The following LTA4H variants were observed in gnomAD, a reference collection of about 807,000 sequenced individuals.
The protein encoded by LTA4H is leukotriene A4 hydrolase, also known as leukotriene A-4 hydrolase.
LTA4H carries 59 observed loss-of-function variants against 89.8 expected under a neutral mutation model. The ratio of observed to expected loss-of-function variants is 0.66; its 90% CI spans 0.53 to 0.82. The LOEUF is 0.82. Among genes scored for constraint, LTA4H ranks in the 40% least tolerant of loss-of-function variants. The pLI, the probability that LTA4H is intolerant of heterozygous loss-of-function variation, is 0.00. For synonymous variants in LTA4H, 227 were observed against 253.1 expected (o/e 0.90, Z 0.98); for missense variants, 617 against 727.0 (o/e 0.85, Z 1.74).
At chr12:96,037,755 G>A (rs558556709), upstream of LTA4H, among the ~76,000 whole-genome samples, 7 of 144,718 alleles carry the variant, frequency 4.8e-5, no homozygotes, top group Non-Finnish European at 7.5e-5. Flanking sequence ...GTGCAGTGGC[G>A]CAATCTCGGC....
At position 96,021,074 on chromosome 12, in the gene LTA4H, C is replaced by T. The variant is rs779738807; in HGVS notation, c.638+11G>A. On this transcript the variant is annotated intron_variant, in intron 6 of 18. Transcript: ENST00000228740. ...CTTTCCACAAACCTGAAAATTTTTC[C>T]AAAAGCTCACCTGCTTTCTAAAGCT... 6.3e-7 allele frequency: 1 copy of T among 1,598,312 alleles called. No individual in the cohort carries two copies. The highest frequency in any genetic ancestry group is 1.8e-5 in the Admixed American group (1 of 55,402).
At chr12:96,019,066 C>A in intron 7 of LTA4H, 102 bp downstream of exon 7, 1 of 1,215,024 alleles carries the variant, frequency 8.2e-7, no homozygotes, top group South Asian at 1.4e-5. Flanking sequence ...AAAAGACAAT[C>A]TGGTTCTTTC....
intron 1 of LTA4H, among the ~76,000 whole-genome samples, chr12:96,031,732 G>A (rs1253224619): frequency 1.3e-5 from 2 of 151,962 alleles, no homozygotes; most frequent in Non-Finnish European, 2.9e-5. Flanking sequence ...AAGTATAGAG[G>A]GCTTTATGCC....
chr12:96,022,179 G>T lies in LTA4H; in HGVS notation c.553C>A (p.Pro185Thr). The T allele has an allele frequency of 6.2e-7, 1 of 1,613,718 alleles. No individual in the cohort carries two copies. Among genetic ancestry groups the T allele is most frequent in the Admixed American group, 1.7e-5 (1 of 60,004 alleles). Residue 185 changes from proline to threonine, a missense_variant, in exon 5 of 19, where the codon CCA (proline) becomes ACA (threonine). Physicochemically the swap from Pro to Thr is conservative, Grantham distance 38. Transcript: ENST00000228740. This position sits in a 1 kb window ranked among gnomAD's most constrained non-coding sequence, Gnocchi z 4.0. ...ATGAATTTGTATATTTTCCTGCTTGGGTCTTCTGGGTCAGGTGTTTCTCCA... is the reference window on the plus strand; with the variant it reads ...ATGAATTTGTATATTTTCCTGCTTGTGTCTTCTGGGTCAGGTGTTTCTCCA... ...RDGETPDPED[P>T]SRKIYKFIQK... is the part of the protein sequence containing the mutation.
chr12:96,016,856 C>T (rs1950384701), intron 10 of LTA4H, among the ~76,000 whole-genome samples, 188 bp downstream of exon 10: 1 of 151,094 alleles, frequency 6.6e-6, no homozygotes, highest in African/African-American at 2.4e-5. Flanking sequence ...AGCTAGATCG[C>T]ACCACTGCAC....
chr12:96,043,248 G>A (rs1950701856), intron 1 of LTA4H: 1 of 1,428,008 alleles, frequency 7.0e-7, no homozygotes, highest in Non-Finnish European at 9.5e-7. Flanking sequence ...GACTCGACTT[G>A]AAAGAACCTC....
chr12:96,039,835 C>T (rs1307947560), upstream of LTA4H, among the ~76,000 whole-genome samples: 1 of 152,126 alleles, frequency 6.6e-6, no homozygotes, highest in Non-Finnish European at 1.5e-5. Context: ...TTGAAATAGT[C>T]GATGTAATTT....
Position 96,001,088 on chromosome 12 carries a change from G to A in LTA4H, c.1737C>T (p.Asp579=), listed in dbSNP as rs1950092916. The part of the protein sequence containing the change: ...RPLFKDLAAF[D]KSHDQAVRTY... ...TTCGGACAGCTTGATCATGGGATTT[G>A]TCAAAGGCAGCAAGATCCCTGCCAA... is the stretch of plus-strand genomic sequence containing the variant. Residue 579 remains aspartate (D), a synonymous_variant, in exon 19 of 19, where the codon GAC becomes GAT. Coordinates refer to ENST00000228740, the MANE Select transcript of LTA4H (RefSeq NM_000895.3). 6.2e-7 allele frequency: 1 copy of A among 1,613,544 alleles called. No homozygotes were observed. The highest frequency in any genetic ancestry group is 8.5e-7 in the Non-Finnish European group (1 of 1,179,666).
intron 16 of LTA4H, 145 bp downstream of exon 16, chr12:96,006,169 G>C (rs1040344405): frequency 2.2e-5 from 12 of 538,486 alleles, no homozygotes; most frequent in Non-Finnish European, 3.9e-5. Flanking sequence ...AGCATTCAAT[G>C]CTTTTTTAAA....
chr12:96,003,791 G>T, intron 17 of LTA4H, 47 bp downstream of exon 17: 1 of 1,324,672 alleles, frequency 7.5e-7, no homozygotes, highest in Non-Finnish European at 1.1e-6. Context: ...TTTCAAAGGA[G>T]TTTAGTTTTC....
intron 1 of LTA4H, among the ~76,000 whole-genome samples, chr12:96,041,728 G>A (rs552625806): frequency 1.1e-4 from 16 of 152,092 alleles, no homozygotes; most frequent in African/African-American, 3.6e-4. Flanking sequence ...TGCAAGCTCC[G>A]CCTCCCGGGT....
At chr12:96,021,036 C>T in intron 6 of LTA4H, 49 bp downstream of exon 6, 2 of 1,487,096 alleles carry the variant, frequency 1.3e-6, no homozygotes, top group East Asian at 2.4e-5. Context: ...GTTCAAGATG[C>T]CTAAGTTTTG....
chr12:96,005,690 C>CA (rs752051992), intron 16 of LTA4H, among the ~76,000 whole-genome samples: 6 of 152,132 alleles, frequency 3.9e-5, no homozygotes, highest in Admixed American at 6.6e-5. Context: ...AAGAGTCTTT[C>CA]ACTAATTAAG....
At chr12:96,018,677 A>G (rs1255611126) in intron 8 of LTA4H, 86 bp downstream of exon 8, 1 of 903,922 alleles carries the variant, frequency 1.1e-6, no homozygotes, top group African/African-American at 1.7e-5. Context: ...GGTTCTTTAC[A>G]TATATATACA....
At chr12:96,023,246 T>TA (rs1448932190) in intron 4 of LTA4H, among the ~76,000 whole-genome samples, 3 of 152,174 alleles carry the variant, frequency 2.0e-5, no homozygotes, top group Non-Finnish European at 4.4e-5. Flanking sequence ...GCTACAACAA[T>TA]TGTAGATTCT....
At chr12:96,043,488 T>C (rs1950704807) in exon 1 of LTA4H, 17 of 658,752 alleles carry the variant, frequency 2.6e-5, no homozygotes, top group Middle Eastern at 3.5e-4. Flanking sequence ...GCGCCTGTAG[T>C]CCCAGCTACT....
At chr12:96,010,689 G>A (rs1950286209) in intron 14 of LTA4H, 1 of 152,214 alleles carries the variant, frequency 6.6e-6, no homozygotes, top group Non-Finnish European at 1.5e-5. Context: ...GATACCAGTG[G>A]AGACTGCTAA....
chr12:96,027,354 A>C, intron 3 of LTA4H, 90 bp downstream of exon 3: 1 of 1,141,314 alleles, frequency 8.8e-7, no homozygotes, highest in Non-Finnish European at 1.2e-6. Flanking sequence ...TAAAACCTAC[A>C]TAATCCATAA....
chr12:96,029,754 A>C (rs1950553285), intron 1 of LTA4H, among the ~76,000 whole-genome samples: 1 of 152,182 alleles, frequency 6.6e-6, no homozygotes, highest in African/African-American at 2.4e-5. Flanking sequence ...TTGGGCATGA[A>C]GGAGTGACAT....
Sources: allele counts gnomAD v4.1 joint callset (sites outside exome capture counted in the v4.1 genomes callset), GRCh38; gene constraint gnomAD v4.1.1; non-coding constraint Gnocchi (gnomAD v3.1); transcripts MANE v1.5; gene names NCBI Gene and HGNC (gene_info 2026-07-23, HGNC 2026-07-21).